The following ANO4 variants were observed in gnomAD, a reference collection of about 807,000 sequenced individuals.
ANO4 encodes the protein anoctamin-4.
ANO4 carries 69 observed loss-of-function variants against 141.9 expected under a neutral mutation model. That is an observed-to-expected ratio of 0.49 (90% confidence interval 0.40 to 0.59). The LOEUF (loss-of-function observed/expected upper bound fraction) is 0.59. ANO4 is among the 20% of genes least tolerant of loss of function. ANO4 has a pLI of 0.00. For missense variants in ANO4, 894 were observed against 1,162.2 expected (o/e 0.77, Z 3.36); for synonymous variants, 350 against 394.3 (o/e 0.89, Z 1.33).
intron 3 of ANO4, among the ~76,000 whole-genome samples, chr12:100,771,209 C>T (rs1326992686): frequency 1.3e-5 from 2 of 151,214 alleles, no homozygotes; most frequent in Admixed American, 6.6e-5. Flanking sequence ...TGATGGGGGC[C>T]ATGGCAGACC....
At chr12:100,977,786 C>T (rs2044268325) in intron 7 of ANO4, among the ~76,000 whole-genome samples, 1 of 152,110 alleles carries the variant, frequency 6.6e-6, no homozygotes, top group African/African-American at 2.4e-5. Context: ...TTGGTGGCTA[C>T]CATAGAGTGA....
chr12:100,804,748 T>C (rs1393176582), intron 1 of ANO4, among the ~76,000 whole-genome samples: 1 of 152,264 alleles, frequency 6.6e-6, no homozygotes, highest in African/African-American at 2.4e-5. Flanking sequence ...GTATGTCTTC[T>C]TTTGAGAAGT....
intron 3 of ANO4, among the ~76,000 whole-genome samples, chr12:100,937,398 T>C (rs1226648163): frequency 6.6e-6 from 1 of 152,198 alleles, no homozygotes; most frequent in South Asian, 2.1e-4. Context: ...ACAACAATTA[T>C]GGGAGGGAGA....
intron 14 of ANO4, among the ~76,000 whole-genome samples, chr12:101,078,967 T>A (rs905608): frequency 0.23 from 35,687 of 152,008 alleles, 4,279 homozygotes; most frequent in Admixed American, 0.3. Flanking sequence ...TCAGCTTAAT[T>A]CAATTCTAAG....
At chr12:101,075,036 G>T (rs1320139420) in intron 14 of ANO4, among the ~76,000 whole-genome samples, 1 of 152,114 alleles carries the variant, frequency 6.6e-6, no homozygotes, top group Non-Finnish European at 1.5e-5. Flanking sequence ...AGTGCTGAAT[G>T]GTGTGATTAG....
rs1478860712 is a variant in ANO4 at position 101,126,919 on chromosome 12, T to C, written c.2717T>C (p.Ile906Thr). The C allele has an allele frequency of 6.2e-7, 1 of 1,613,972 alleles. No individual in the cohort carries two copies. The highest frequency in any genetic ancestry group is 8.5e-7 in the Non-Finnish European group (1 of 1,180,018). The change falls in exon 27 of 28, where the codon ATC becomes ACC. Residue 906 changes from isoleucine to threonine, a missense_variant. Coordinates refer to ENST00000392977, the MANE Select transcript of ANO4 (RefSeq NM_001286615.2). ...ATAAAGCACCTCATTTCATATCTGA[T>C]CCCAGACCTCCCAAAAGACCTAAGG... is the stretch of plus-strand genomic sequence containing the variant. ...FCIKHLISYL[I>T]PDLPKDLRDR...
chr12:100,987,226 G>C, intron 7 of ANO4: 1 of 252,974 alleles, frequency 4.0e-6, no homozygotes, highest in Non-Finnish European at 7.7e-6. Flanking sequence ...TTAAGGGACT[G>C]TTGGAATCCT....
At chr12:100,814,587 C>A (rs892262290) in intron 1 of ANO4, among the ~76,000 whole-genome samples, 2 of 152,088 alleles carry the variant, frequency 1.3e-5, no homozygotes, top group African/African-American at 2.4e-5. Flanking sequence ...ACAAATATAA[C>A]CACATGTTAA....
chr12:100,914,750 A>G (rs1210782331), intron 2 of ANO4, among the ~76,000 whole-genome samples: 1 of 152,078 alleles, frequency 6.6e-6, no homozygotes, highest in African/African-American at 2.4e-5. Flanking sequence ...TTCTTCAGAG[A>G]CTTTTCTTGA....
chr12:100,958,290 C>T (rs551500293), intron 5 of ANO4, among the ~76,000 whole-genome samples: 32 of 152,196 alleles, frequency 2.1e-4, no homozygotes, highest in Non-Finnish European at 4.3e-4. Flanking sequence ...ACTTTTGCTT[C>T]GTCCTCTCTA....
chr12:100,949,266 G>A (rs1013190845), intron 5 of ANO4, among the ~76,000 whole-genome samples: 2 of 152,160 alleles, frequency 1.3e-5, no homozygotes, highest in Non-Finnish European at 2.9e-5. Flanking sequence ...TAATTAATAT[G>A]TGTAGTTGTA....
At chr12:101,051,893 ACAGTAAT>A (rs1476237597) in intron 14 of ANO4, among the ~76,000 whole-genome samples, 7 of 152,196 alleles carry the variant, frequency 4.6e-5, no homozygotes, top group African/African-American at 1.7e-4. Flanking sequence ...CTGCTTTGAG[ACAGTAAT>A]GTTCTATAAA....
chr12:100,959,497 TCTC>T (rs1363202321), intron 5 of ANO4, among the ~76,000 whole-genome samples: 2 of 152,190 alleles, frequency 1.3e-5, no homozygotes, highest in Non-Finnish European at 2.9e-5. Context: ...CCTGTCTCCA[TCTC>T]CTCACCTACC....
chr12:100,846,961 T>C (rs1054082367), intron 1 of ANO4, among the ~76,000 whole-genome samples: 6 of 151,728 alleles, frequency 4.0e-5, no homozygotes, highest in African/African-American at 1.5e-4. Flanking sequence ...CCCCAACTTC[T>C]ACTTAATTTT....
intron 13 of ANO4, among the ~76,000 whole-genome samples, chr12:101,044,376 G>A (rs568918196): frequency 2.0e-5 from 3 of 152,140 alleles, no homozygotes; most frequent in South Asian, 4.1e-4. Flanking sequence ...CCTCTTTCTC[G>A]TGATATGCCT....
intron 1 of ANO4, among the ~76,000 whole-genome samples, chr12:100,882,423 T>C (rs1047041853): frequency 3.9e-5 from 6 of 152,210 alleles, no homozygotes; most frequent in African/African-American, 1.2e-4. Context: ...GTAGATGATA[T>C]CATCATCTCT....
chr12:101,034,080 G>A (rs2047096054), intron 9 of ANO4, among the ~76,000 whole-genome samples: 1 of 152,054 alleles, frequency 6.6e-6, no homozygotes, highest in Non-Finnish European at 1.5e-5. Flanking sequence ...GACAGTGTGG[G>A]GATTCCTCAA....
intron 3 of ANO4, among the ~76,000 whole-genome samples, chr12:100,757,208 A>G (rs987577604): frequency 2.6e-5 from 4 of 152,136 alleles, no homozygotes; most frequent in African/African-American, 9.7e-5. Context: ...AAGCCTGTTG[A>G]GTCTATCTCC....
At position 101,120,490 on chromosome 12, in the gene ANO4, T is replaced by C. The variant is rs1331850563; in HGVS notation, c.2571-30T>C. On this transcript the variant is annotated intron_variant, in intron 25 of 27. Transcript: ENST00000392977. ...TTTGAGAATCAGAAAAATCATAGTT[T>C]GAATGCAACATTTTTCTGTGTCTTT... 1.9e-6 allele frequency: 3 copies of C among 1,575,368 alleles called. No homozygotes were observed. In the Admixed American group the frequency reaches 5.0e-5, roughly 26 times the overall value.
Sources: allele counts gnomAD v4.1 joint callset (sites outside exome capture counted in the v4.1 genomes callset), GRCh38; gene constraint gnomAD v4.1.1; transcripts MANE v1.5; gene names NCBI Gene and HGNC (gene_info 2026-07-23, HGNC 2026-07-21).